CYP4X1: variants seen among roughly 807,000 people sequenced by gnomAD.
The protein encoded by CYP4X1 is cytochrome P450 family 4 subfamily X member 1.
Under a neutral mutation model 57.9 loss-of-function variants are expected in CYP4X1, and 44 were observed. The ratio of observed to expected loss-of-function variants is 0.76; its 90% CI spans 0.60 to 0.98. The LOEUF is 0.98. Among genes scored for constraint, CYP4X1 ranks in the 50% least tolerant of loss-of-function variants. The pLI, the probability that CYP4X1 is intolerant of heterozygous loss-of-function variation, is 0.00. For missense variants in CYP4X1, 532 were observed against 623.9 expected (o/e 0.85, Z 1.57); for synonymous variants, 227 against 228.6 (o/e 0.99, Z 0.06).
chr1:47,016,349 A>ATT, the CYP4X1 span, among the ~76,000 whole-genome samples: 64 of 146,584 alleles, frequency 4.4e-4, no homozygotes, highest in East Asian at 1.2e-3. Flanking sequence ...TTTTTTTTTA[A>ATT]TTTTTTTTTT....
chr1:46,993,885 A>G, the CYP4X1 span, among the ~76,000 whole-genome samples: 35 of 152,136 alleles, frequency 2.3e-4, no homozygotes, highest in African/African-American at 7.7e-4. Flanking sequence ...TAGGTGGCCT[A>G]TTCACTCTGA....
At chr1:46,977,270 G>A in the CYP4X1 span, among the ~76,000 whole-genome samples, 2 of 151,624 alleles carry the variant, frequency 1.3e-5, no homozygotes, top group African/African-American at 4.9e-5. Flanking sequence ...ACAGTGTAGA[G>A]CAGACTTTAA....
intron 8 of CYP4X1, among the ~76,000 whole-genome samples, chr1:47,041,786 C>A (rs905558326): frequency 3.3e-5 from 5 of 151,986 alleles, no homozygotes; most frequent in Non-Finnish European, 5.9e-5. Flanking sequence ...TAGTTTGCTG[C>A]AAAACCATTT....
At chr1:47,053,071 C>T (rs1644369577), downstream of CYP4X1, among the ~76,000 whole-genome samples, 1 of 152,070 alleles carries the variant, frequency 6.6e-6, no homozygotes, top group African/African-American at 2.4e-5. Context: ...CTCCCCCATC[C>T]CCCACCCCAC....
downstream of CYP4X1, among the ~76,000 whole-genome samples, chr1:47,054,764 G>A (rs1569673673): frequency 1.3e-5 from 2 of 152,168 alleles, no homozygotes; most frequent in South Asian, 4.2e-4. Context: ...TTTGCACATT[G>A]ATTTTGTATC....
intron 8 of CYP4X1, among the ~76,000 whole-genome samples, chr1:47,043,302 A>ATTATTTGTT (rs1644267185): frequency 6.6e-6 from 1 of 151,164 alleles, no homozygotes; most frequent in Admixed American, 6.6e-5. Context: ...TTTTGATGGG[A>ATTATTTGTT]TTATTTGTTT....
chr1:46,976,294 T>C, the CYP4X1 span, among the ~76,000 whole-genome samples: 1 of 152,200 alleles, frequency 6.6e-6, no homozygotes, highest in Non-Finnish European at 1.5e-5. Flanking sequence ...CAGGAGATTA[T>C]ATCCCACGCC....
At chr1:46,989,527 C>T in the CYP4X1 span, among the ~76,000 whole-genome samples, 1 of 152,168 alleles carries the variant, frequency 6.6e-6, no homozygotes, top group African/African-American at 2.4e-5. Flanking sequence ...CATTGACTTT[C>T]TTCACAGAAT....
Position 47,050,252 on chromosome 1 carries a change from G to A in CYP4X1, c.*78G>A, listed in dbSNP as rs1466348655. On this transcript the variant is annotated 3_prime_UTR_variant, in exon 12 of 12. Transcript: ENST00000371901. ...GCTAATGATCCAAGCAGATAGAAAG[G>A]GATCAATGTATGGTGGGAGGATTGG... 2.0e-6 allele frequency: 3 copies of A among 1,523,838 alleles called. No homozygotes were observed. The highest frequency in any genetic ancestry group is 1.7e-4 in the Middle Eastern group (1 of 5,762). 94.4% of individuals were successfully genotyped at this position (1,523,838 alleles called of 1,614,324 possible). A position where few individuals can be genotyped will look rare whatever the true frequency, so the allele number is the denominator to read the frequency against.
chr1:47,022,230 C>T (rs1198689893), upstream of CYP4X1, among the ~76,000 whole-genome samples: 1 of 149,764 alleles, frequency 6.7e-6, no homozygotes, highest in Non-Finnish European at 1.5e-5. Context: ...ATGGAACATG[C>T]AAGGGGCCAG....
At chr1:47,001,559 G>A in the CYP4X1 span, among the ~76,000 whole-genome samples, 47 of 152,174 alleles carry the variant, frequency 3.1e-4, 1 homozygote, top group Admixed American at 3.0e-3. Context: ...TAGAGGGGCA[G>A]TGGGTGGGTG....
At chr1:47,018,795 GA>G (rs59560532), upstream of CYP4X1, among the ~76,000 whole-genome samples, 2 of 151,966 alleles carry the variant, frequency 1.3e-5, no homozygotes, top group Non-Finnish European at 2.9e-5. Context: ...GGGGAAAAAA[GA>G]AAAAAATTGA....
chr1:47,013,390 G>C, the CYP4X1 span, among the ~76,000 whole-genome samples: 1 of 152,150 alleles, frequency 6.6e-6, no homozygotes, highest in Non-Finnish European at 1.5e-5. Flanking sequence ...TTGTAAAGCG[G>C]AAATAGTGAG....
chr1:46,994,998 A>C, the CYP4X1 span, among the ~76,000 whole-genome samples: 1 of 152,088 alleles, frequency 6.6e-6, no homozygotes, highest in East Asian at 1.9e-4. Flanking sequence ...GATGGATTAG[A>C]CTCTTTCTCT....
the CYP4X1 span, among the ~76,000 whole-genome samples, chr1:46,989,231 C>A: frequency 2.6e-5 from 4 of 152,230 alleles, no homozygotes; most frequent in East Asian, 5.8e-4. Flanking sequence ...GTGCAAAAAT[C>A]ACAAGCATTC....
the CYP4X1 span, among the ~76,000 whole-genome samples, chr1:46,978,666 A>G: frequency 1.3e-5 from 2 of 151,548 alleles, no homozygotes; most frequent in Non-Finnish European, 2.9e-5. Flanking sequence ...AATCAATAGA[A>G]TATACATTCT....
upstream of CYP4X1, among the ~76,000 whole-genome samples, chr1:47,019,598 C>T (rs1469486059): frequency 6.6e-6 from 1 of 152,202 alleles, no homozygotes; most frequent in Non-Finnish European, 1.5e-5. Flanking sequence ...TGCAACACCC[C>T]AGTCTGGGCC....
the CYP4X1 span, among the ~76,000 whole-genome samples, chr1:47,008,097 G>C: frequency 6.6e-6 from 1 of 152,108 alleles, no homozygotes; most frequent in African/African-American, 2.4e-5. Flanking sequence ...TCCTCGAGAA[G>C]AGCAACTCCA....
the CYP4X1 span, among the ~76,000 whole-genome samples, chr1:46,983,688 G>A: frequency 1.3e-5 from 2 of 152,164 alleles, no homozygotes; most frequent in Non-Finnish European, 2.9e-5. Flanking sequence ...CTCAAGGCCC[G>A]TGATAGTCCT....
Sources: gnomAD v4.1 joint callset for allele counts (sites outside exome capture counted in the v4.1 genomes callset) on GRCh38, gnomAD v4.1.1 for gene constraint, MANE v1.5 for transcripts, NCBI Gene and HGNC (gene_info 2026-07-23, HGNC 2026-07-21) for gene names.